Variants in ASGR1 observed in about 807,000 individuals in gnomAD.
The protein encoded by ASGR1 is asialoglycoprotein receptor 1, also known as C-type lectin domain family 4 member H1.
In ASGR1, 35 loss-of-function variants were observed where a neutral mutation model predicts 33.1. The ratio of observed to expected loss-of-function variants is 1.06; its 90% CI spans 0.81 to 1.40. The LOEUF is 1.40. Ranked by LOEUF, ASGR1 falls within the 40% of genes most tolerant of loss-of-function variation. The pLI is 0.00. For synonymous variants in ASGR1, 142 were observed against 152.5 expected, an observed-to-expected ratio of 0.93 and a Z score of 0.51; for missense variants, 396 against 373.7, an observed-to-expected ratio of 1.06 and a Z score of -0.49.
At position 7,176,901 on chromosome 17, in the gene ASGR1, C is replaced by T. The variant is rs2069223910; in HGVS notation, c.284G>A (p.Gly95Glu). ...EAQVKGLSTQ[G>E]GNVGRKMKSL... Reference sequence around the variant, plus strand: ...CTTCATCTTTCTTCCCACATTGCCTCCTGCGGGAGAGGCTCGCTCAGCGTT... The same window carrying T: ...CTTCATCTTTCTTCCCACATTGCCTTCTGCGGGAGAGGCTCGCTCAGCGTT... The change falls in exon 5 of 9, where the codon GGA (glycine) becomes GAA (glutamate). Residue 95 changes from glycine to glutamate, a missense_variant and splice_region_variant. Physicochemically the swap from Gly to Glu is moderately conservative, Grantham distance 98 (BLOSUM62 -2). Transcript: ENST00000269299. 6.2e-7 allele frequency: 1 copy of T among 1,613,172 alleles called. No individual in the cohort carries two copies.
At chr17:7,178,729 T>C (rs2069244507) in intron 1 of ASGR1, 141 bp from the exon 2 acceptor site, 1 of 182,498 alleles carries the variant, frequency 5.5e-6, no homozygotes, top group Non-Finnish European at 1.2e-5. Context: ...TTTTTCTTTT[T>C]TTTCTTTTCT....
intron 2 of ASGR1, 45 bp downstream of exon 2, chr17:7,178,449 C>T: frequency 1.3e-6 from 2 of 1,587,954 alleles, no homozygotes; most frequent in Non-Finnish European, 1.7e-6. Context: ...GGGTGGAGAA[C>T]CGCCAAATTC....
chr17:7,173,719 G>C lies in ASGR1; in HGVS notation c.816C>G (p.Pro272=), dbSNP rs746328881. The C allele has an allele frequency of 8.1e-6, 13 of 1,613,796 alleles. No individual in the cohort carries two copies. In the South Asian group the frequency reaches 1.1e-4, roughly 14 times the overall value. ...GRWNDDVCQR[P]YRWVCETELD... The stretch of plus-strand genomic sequence containing the variant: ...GCTCTGTCTCGCAGACCCAGCGGTA[G>C]GGCCTCTGGCAGACGTCGTCGTTCC... Residue 272 remains proline, a synonymous_variant, in exon 9 of 9, where the codon CCC becomes CCG. Transcript: ENST00000269299. This position sits in a 1 kb window ranked among gnomAD's most constrained non-coding sequence, Gnocchi z 4.7.
rs201252840 is a variant in ASGR1, at chr17:7,177,333, G to C, written c.71-7C>G. The C allele has an allele frequency of 6.2e-7, 1 of 1,612,396 alleles. No homozygotes were observed. Among genetic ancestry groups the C allele is most frequent in the Non-Finnish European group, 8.5e-7 (1 of 1,179,124 alleles). On this transcript the variant is annotated splice_polypyrimidine_tract_variant and splice_region_variant and intron_variant, in intron 2 of 8. Coordinates refer to ENST00000269299, the MANE Select transcript of ASGR1 (RefSeq NM_001671.5). ...GGCTGGGGAGGAGGTGGCCCTGCAA[G>C]AGGAGGGGGTGTCAGGAGCGCGGGG...
intron 5 of ASGR1, 96 bp from the exon 6 acceptor site, chr17:7,174,556 C>T (rs2069172312): frequency 7.8e-7 from 1 of 1,279,606 alleles, no homozygotes; most frequent in Admixed American, 2.2e-5. Context: ...CTGCTGGGAC[C>T]CGAACACCCG....
intron 5 of ASGR1, among the ~76,000 whole-genome samples, chr17:7,176,383 CAG>C (rs1414278732): frequency 3.4e-5 from 5 of 145,722 alleles, no homozygotes; most frequent in Middle Eastern, 3.5e-3. Context: ...TTCTTACACT[CAG>C]ACTCACACAC....
Position 7,174,969 on chromosome 17 carries a change from C to T in ASGR1, c.356-509G>A, listed in dbSNP as rs2069178312. ...ACACACCCACAGACACACAACACAC[C>T]CTTACACACACATACATAGACACAA... On this transcript the variant is annotated intron_variant, in intron 5 of 8. Coordinates refer to ENST00000269299, the MANE Select transcript of ASGR1 (RefSeq NM_001671.5). Among the ~76,000 whole-genome samples, 4 of 149,942 alleles carry T rather than the reference C, an allele frequency of 2.7e-5. No homozygotes were observed. The East Asian group carries it at 5.9e-4, about 22-fold the overall frequency.
At position 7,173,617 on chromosome 17, in the gene ASGR1, A is replaced by G. The variant is rs774866848; in HGVS notation, c.*42T>C. 1.2e-6 allele frequency: 2 copies of G among 1,610,656 alleles called. No individual in the cohort carries two copies. The highest frequency in any genetic ancestry group is 4.5e-5 in the East Asian group (2 of 44,878). On this transcript the variant is annotated 3_prime_UTR_variant, in exon 9 of 9. Transcript: ENST00000269299. This position sits in a 1 kb window ranked among gnomAD's most constrained non-coding sequence, Gnocchi z 4.7. ...AGGCCCCCAGATGGGCGGATTCCCAATCCCGGACCCCTGCGGCAGGTCGAG... is the reference window on the plus strand; with the variant it reads ...AGGCCCCCAGATGGGCGGATTCCCAGTCCCGGACCCCTGCGGCAGGTCGAG...
chr17:7,174,308 G>A lies in ASGR1; in HGVS notation c.443-19C>T, dbSNP rs1326308328. On this transcript the variant is annotated intron_variant, in intron 6 of 8. Coordinates refer to ENST00000269299, the MANE Select transcript of ASGR1 (RefSeq NM_001671.5). ...TCTGAGCCTGAGCGGGAGAAACGGG[G>A]CGCAGGGGCTAAGCGCTGCCCAGAG... 6.2e-7 allele frequency: 1 copy of A among 1,613,538 alleles called. No homozygotes were observed. Among genetic ancestry groups the A allele is most frequent in the African/African-American group, 1.3e-5 (1 of 74,934 alleles).
chr17:7,174,474 G>A lies in ASGR1; in HGVS notation c.356-14C>T. ...GGCTGGAGTGATCTGGGGAGACCGG[G>A]CGGAGGGGAGCGGGAGGAGATGCGG... is the stretch of plus-strand genomic sequence containing the variant. On this transcript the variant is annotated splice_polypyrimidine_tract_variant and intron_variant, in intron 5 of 8. Coordinates refer to ENST00000269299, the MANE Select transcript of ASGR1 (RefSeq NM_001671.5). 6.2e-7 allele frequency: 1 copy of A among 1,608,926 alleles called. No homozygotes were observed. Among genetic ancestry groups the A allele is most frequent in the Non-Finnish European group, 8.5e-7 (1 of 1,177,708 alleles).
chr17:7,176,759 TTC>T (rs1567794016), intron 5 of ASGR1, 69 bp downstream of exon 5: 5 of 1,551,254 alleles, frequency 3.2e-6, no homozygotes. Flanking sequence ...CACTCACACT[TTC>T]TCACACACAT....
In ASGR1 at chr17:7,174,176, C is replaced by A; in HGVS notation, c.556G>T (p.Asp186Tyr). Residue 186 changes from aspartate to tyrosine, a missense_variant, in exon 7 of 9, where the codon GAC (aspartate) becomes TAC (tyrosine). Transcript: ENST00000269299. ...ADADNYCRLE[D>Y]AHLVVVTSWE... ...GACGTGACCACCACCAGGTGCGCGTCCTCCAGCCGGCAGTAGTTGTCGGCG... is the reference window on the plus strand; with the variant it reads ...GACGTGACCACCACCAGGTGCGCGTACTCCAGCCGGCAGTAGTTGTCGGCG... 1 of 1,614,168 alleles carries A rather than the reference C, an allele frequency of 6.2e-7. No individual in the cohort carries two copies. Among genetic ancestry groups the A allele is most frequent in the Non-Finnish European group, 8.5e-7 (1 of 1,180,000 alleles).
intron 5 of ASGR1, among the ~76,000 whole-genome samples, chr17:7,176,438 C>G (rs535995644): frequency 5.2e-5 from 7 of 134,364 alleles, no homozygotes; most frequent in South Asian, 4.5e-4. Flanking sequence ...CATTCTCACA[C>G]TCTCACACAC....
intron 5 of ASGR1, among the ~76,000 whole-genome samples, 174 bp from the exon 6 acceptor site, chr17:7,174,634 T>A (rs867827623): frequency 3.4e-5 from 5 of 148,542 alleles, no homozygotes; most frequent in Non-Finnish European, 6.0e-5. Context: ...CACACACTCC[T>A]ACACACACAA....
chr17:7,178,423 A>C, intron 2 of ASGR1, 71 bp downstream of exon 2: 33 of 1,454,998 alleles, frequency 2.3e-5, no homozygotes, highest in Non-Finnish European at 3.0e-5. Flanking sequence ...GGGCAAGAGT[A>C]GGAGCTGTGG....
intron 6 of ASGR1, 23 bp from the exon 7 acceptor site, chr17:7,174,312 A>G: frequency 1.2e-6 from 2 of 1,613,612 alleles, no homozygotes; most frequent in South Asian, 1.1e-5. Context: ...AACGGGGCGC[A>G]GGGGCTAAGC....
chr17:7,175,765 TCA>T (rs1323011771), intron 5 of ASGR1, among the ~76,000 whole-genome samples: 2 of 145,814 alleles, frequency 1.4e-5, no homozygotes, highest in East Asian at 2.1e-4. Context: ...ACACTCCTTC[TCA>T]TTTTCACACA....
chr17:7,177,364 G>A, intron 2 of ASGR1, 38 bp from the exon 3 acceptor site: 1 of 1,563,760 alleles, frequency 6.4e-7, no homozygotes, highest in South Asian at 1.1e-5. Context: ...CGGGGACAGA[G>A]GGGACCCTGG....
chr17:7,178,454 A>G, intron 2 of ASGR1, 40 bp downstream of exon 2: 1 of 1,599,430 alleles, frequency 6.3e-7, no homozygotes, highest in Non-Finnish European at 8.6e-7. Flanking sequence ...GAGAACCGCC[A>G]AATTCTCGCC....
Sources: allele counts gnomAD v4.1 joint callset (sites outside exome capture counted in the v4.1 genomes callset), GRCh38; gene constraint gnomAD v4.1.1; non-coding constraint Gnocchi (gnomAD v3.1); transcripts MANE v1.5; gene names NCBI Gene and HGNC (gene_info 2026-07-23, HGNC 2026-07-21).